Variants in ANKS1B observed in about 807,000 individuals in gnomAD.
ANKS1B encodes the protein ankyrin repeat and sterile alpha motif domain containing 1B.
A neutral mutation model predicts 148.3 loss-of-function variants in ANKS1B; 36 were observed. That is an observed-to-expected ratio of 0.24 (90% confidence interval 0.19 to 0.32). ANKS1B has a LOEUF of 0.32. Among genes scored for constraint, ANKS1B ranks in the 10% least tolerant of loss-of-function variants. The probability of loss-of-function intolerance (pLI) is 1.00; values close to 1 mark genes in which losing one functional copy is unlikely to be tolerated. For synonymous variants in ANKS1B, 542 were observed against 560.8 expected (o/e 0.97, Z 0.47); for missense variants, 1,157 against 1,542.6 (o/e 0.75, Z 4.19).
rs146637164 is a variant in ANKS1B at position 99,163,467 on chromosome 12, CTGTGTGTGTGTG to C, written c.2420-9084_2420-9073del. On this transcript the variant is annotated intron_variant, in intron 14 of 26. Transcript: ENST00000683438. ...ATATGTCCTGTGTTTTACATGCACT[CTGTGTGTGTGTG>C]TGTGTGTGTGTGTGTGTGTGTGTGT... Among the ~76,000 whole-genome samples the C allele has an allele frequency of 6.7e-5, 9 of 135,002 alleles. No homozygotes were observed. The East Asian group carries it at 8.4e-4, about 13-fold the overall frequency. The allele number at this position is 135,002 out of a possible 152,430, so 88.6% of individuals were successfully genotyped here. A position where few individuals can be genotyped will look rare whatever the true frequency, so the allele number is the denominator to read the frequency against.
At position 99,515,567 on chromosome 12, in the gene ANKS1B, T is replaced by C. The variant is rs1349466461; in HGVS notation, c.1273-10926A>G. Among the ~76,000 whole-genome samples the C allele has an allele frequency of 5.3e-5, 8 of 152,244 alleles. No individual in the cohort carries two copies. In the East Asian group the frequency reaches 1.5e-3, roughly 29 times the overall value. On this transcript the variant is annotated intron_variant, in intron 9 of 26. Transcript: ENST00000683438. Reference sequence around the variant, plus strand: ...ATAAGTACCACAGTTTCTGTATCCATTCTTCTCTTGATGGACACTTAGATT... The same window carrying C: ...ATAAGTACCACAGTTTCTGTATCCACTCTTCTCTTGATGGACACTTAGATT...
chr12:99,730,590 T>G (rs1407815256), intron 8 of ANKS1B, among the ~76,000 whole-genome samples: 1 of 152,168 alleles, frequency 6.6e-6, no homozygotes, highest in African/African-American at 2.4e-5. Flanking sequence ...AAGAGAACTC[T>G]ACTTCAGAAC....
rs1032635657 is a variant in ANKS1B, at chr12:99,072,586, G to A, written c.2625+12339C>T. On this transcript the variant is annotated intron_variant, in intron 16 of 26. Transcript: ENST00000683438. ...AAAGATGACTTAAGTGGATTATTTA[G>A]CTTACTCATCTCATTATCCCCTTAG... is the stretch of plus-strand genomic sequence containing the variant. 6.6e-5 allele frequency among the ~76,000 whole-genome samples: 10 copies of A among 152,072 alleles called. 1 individual carries two copies. The South Asian group carries it at 1.9e-3, about 28-fold the overall frequency.
intron 1 of ANKS1B, among the ~76,000 whole-genome samples, chr12:99,866,971 C>T (rs1053364882): frequency 6.6e-6 from 1 of 151,990 alleles, no homozygotes; most frequent in Non-Finnish European, 1.5e-5. Context: ...TGTGTATGTC[C>T]GGTAATCCCT....
intron 17 of ANKS1B, among the ~76,000 whole-genome samples, chr12:98,924,904 G>A (rs777277123): frequency 1.3e-5 from 2 of 152,180 alleles, no homozygotes; most frequent in Non-Finnish European, 2.9e-5. Context: ...AGCTCAATGA[G>A]TAGAAGGCAA....
chr12:98,794,392 CAAAAAAAAAAAAAAAAA>C (rs571692746), intron 22 of ANKS1B: 103 of 84,146 alleles, frequency 1.2e-3, no homozygotes, highest in East Asian at 6.0e-3. Context: ...AACTCTGTCT[CAAAAAAAAAAAAAAAAA>C]AAAAAAAAAA....
chr12:99,795,076 AG>A (rs1288580695), intron 4 of ANKS1B, among the ~76,000 whole-genome samples: 1 of 152,066 alleles, frequency 6.6e-6, no homozygotes, highest in African/African-American at 2.4e-5. Flanking sequence ...GAATAAAATA[AG>A]AGGATTCAAC....
At chr12:99,429,924 A>T (rs984091475) in intron 11 of ANKS1B, among the ~76,000 whole-genome samples, 1 of 152,128 alleles carries the variant, frequency 6.6e-6, no homozygotes, top group African/African-American at 2.4e-5. Flanking sequence ...AGATCGTGTC[A>T]CTGCACTCCA....
At chr12:99,002,375 TGACAAA>T (rs2099933505) in intron 17 of ANKS1B, among the ~76,000 whole-genome samples, 1 of 152,184 alleles carries the variant, frequency 6.6e-6, no homozygotes, top group Non-Finnish European at 1.5e-5. Flanking sequence ...GAAGCATAGT[TGACAAA>T]GATTGTATAT....
intron 25 of ANKS1B, among the ~76,000 whole-genome samples, chr12:98,758,245 C>T (rs186929332): frequency 1.3e-4 from 20 of 152,138 alleles, no homozygotes; most frequent in Middle Eastern, 3.4e-3. Context: ...GAGATAATTA[C>T]GCTCAGAAAG....
chr12:99,976,307 T>G (rs2095628301), intron 1 of ANKS1B, among the ~76,000 whole-genome samples: 1 of 152,230 alleles, frequency 6.6e-6, no homozygotes, highest in East Asian at 1.9e-4. Flanking sequence ...TCCATGTAAC[T>G]AATCTACATA....
intron 1 of ANKS1B, among the ~76,000 whole-genome samples, chr12:99,900,643 G>A (rs1196725848): frequency 1.3e-5 from 2 of 151,944 alleles, no homozygotes; most frequent in Admixed American, 1.3e-4. Flanking sequence ...AAGCAAGCAG[G>A]GAAGATTACA....
At chr12:98,931,595 G>A (rs1279626724) in intron 17 of ANKS1B, 3 of 152,120 alleles carry the variant, frequency 2.0e-5, no homozygotes, top group African/African-American at 7.2e-5. Context: ...TTATATTGAT[G>A]TCCTGTTACA....
rs73387984 is a variant in ANKS1B, at chr12:99,689,504, A to G, written c.1129-34294T>C. ...GCTCAATCTGTGAATAATATGCAACATCACTCTTGTGATTATGTTATGTTA... is the reference window on the plus strand; with the variant it reads ...GCTCAATCTGTGAATAATATGCAACGTCACTCTTGTGATTATGTTATGTTA... On this transcript the variant is annotated intron_variant, in intron 8 of 26. Transcript: ENST00000683438. Among the ~76,000 whole-genome samples, 1,468 of 152,312 alleles carry G rather than the reference A, an allele frequency of 9.6e-3. 28 individuals are homozygous for G. The highest frequency in any genetic ancestry group is 0.033 in the African/African-American group (1,375 of 41,558).
intron 1 of ANKS1B, among the ~76,000 whole-genome samples, chr12:99,960,576 T>C (rs1392136136): frequency 1.3e-5 from 2 of 152,126 alleles, no homozygotes; most frequent in African/African-American, 4.8e-5. Context: ...GCAGGGAGTC[T>C]GGAAATGCTA....
chr12:99,349,003 A>G (rs942999701), intron 12 of ANKS1B, among the ~76,000 whole-genome samples: 2 of 151,926 alleles, frequency 1.3e-5, no homozygotes, highest in African/African-American at 4.8e-5. Flanking sequence ...TGGGGACACA[A>G]TGTGAAAACA....
At chr12:99,195,680 A>G (rs1221210851) in intron 14 of ANKS1B, among the ~76,000 whole-genome samples, 1 of 152,132 alleles carries the variant, frequency 6.6e-6, no homozygotes, top group East Asian at 1.9e-4. Context: ...ACATGAAAGG[A>G]AACAGAAAAA....
chr12:99,036,946 T>C (rs1005133485), intron 17 of ANKS1B, among the ~76,000 whole-genome samples: 11 of 152,242 alleles, frequency 7.2e-5, no homozygotes, highest in African/African-American at 2.2e-4. Context: ...AGGCTCTGTG[T>C]CACAGATTAA....
rs1032965825 is a variant in ANKS1B, at chr12:98,947,980, T to C, written c.2778+105177A>G. Among the ~76,000 whole-genome samples, 5 of 152,162 alleles carry C rather than the reference T, an allele frequency of 3.3e-5. No homozygotes were observed. In the South Asian group the frequency reaches 1.0e-3, roughly 32 times the overall value. On this transcript the variant is annotated intron_variant, in intron 17 of 26. Transcript: ENST00000683438. ...TTCAGCTCTTCATCAGGAACAGAATTACAGCCTCTATCTTTAGAAATGATA... is the reference window on the plus strand; with the variant it reads ...TTCAGCTCTTCATCAGGAACAGAATCACAGCCTCTATCTTTAGAAATGATA...
Sources: gnomAD v4.1 joint callset for allele counts (sites outside exome capture counted in the v4.1 genomes callset) on GRCh38, gnomAD v4.1.1 for gene constraint, MANE v1.5 for transcripts, NCBI Gene and HGNC (gene_info 2026-07-23, HGNC 2026-07-21) for gene names.